DOCK9: variants seen among roughly 807,000 people sequenced by gnomAD.
The protein encoded by DOCK9 is dedicator of cytokinesis 9, also known as dedicator of cytokinesis protein 9.
In DOCK9, 89 loss-of-function variants were observed where a neutral mutation model predicts 263.3. That is an observed-to-expected ratio of 0.34 (90% CI 0.28 to 0.40). DOCK9 has a LOEUF of 0.40. Ranked by LOEUF, DOCK9 falls within the 10% of genes least tolerant of loss-of-function variation. The probability of loss-of-function intolerance (pLI) is 1.00; values close to 1 mark genes in which losing one functional copy is unlikely to be tolerated. For synonymous variants in DOCK9, 976 were observed against 973.1 expected, an observed-to-expected ratio of 1.00 and a Z score of -0.06; for missense variants, 2,140 against 2,603.4, an observed-to-expected ratio of 0.82 and a Z score of 3.87.
At chr13:99,044,215 A>G (rs1888743870) in intron 1 of DOCK9, among the ~76,000 whole-genome samples, 1 of 152,188 alleles carries the variant, frequency 6.6e-6, no homozygotes, top group Non-Finnish European at 1.5e-5. Context: ...AGTTTTATTA[A>G]GCAAATTAAT....
In DOCK9 at chr13:98,814,487, C is replaced by A. The variant is rs1469434034; in HGVS notation, c.5131-4196G>T. On this transcript the variant is annotated intron_variant, in intron 45 of 52. Coordinates refer to ENST00000682017, the MANE Select transcript of DOCK9 (RefSeq NM_001366683.2). ...GTGGCACAATCTTGGCTTACTGCAA[C>A]CTCCACCTCCCGGATTCAAGTGATT... is the stretch of plus-strand genomic sequence containing the variant. Among the ~76,000 whole-genome samples, 8 of 149,862 alleles carry A rather than the reference C, an allele frequency of 5.3e-5. 1 individual carries two copies.
chr13:98,823,330 G>C (rs1271556536), intron 45 of DOCK9, among the ~76,000 whole-genome samples: 1 of 152,152 alleles, frequency 6.6e-6, no homozygotes, highest in Non-Finnish European at 1.5e-5. Flanking sequence ...TCACTGAAAG[G>C]TTCCAGGACC....
At chr13:98,882,230 G>A (rs908311473) in intron 23 of DOCK9, among the ~76,000 whole-genome samples, 2 of 152,006 alleles carry the variant, frequency 1.3e-5, no homozygotes, top group Non-Finnish European at 2.9e-5. Context: ...CCTTATGATA[G>A]GGATTATCCA....
At chr13:98,823,012 C>T (rs1236109144) in intron 45 of DOCK9, among the ~76,000 whole-genome samples, 1 of 150,904 alleles carries the variant, frequency 6.6e-6, no homozygotes, top group Admixed American at 6.6e-5. Context: ...TCAATATTTA[C>T]AATACTAGAT....
At chr13:99,011,020 C>A (rs1348497293) in intron 1 of DOCK9, among the ~76,000 whole-genome samples, 1 of 152,184 alleles carries the variant, frequency 6.6e-6, no homozygotes, top group African/African-American at 2.4e-5. Flanking sequence ...GCCTCAGCCT[C>A]CTGAGTAGCT....
intron 6 of DOCK9, among the ~76,000 whole-genome samples, chr13:98,921,448 T>A (rs2051969466): frequency 6.6e-6 from 1 of 152,198 alleles, no homozygotes; most frequent in African/African-American, 2.4e-5. Context: ...GGAACTATTT[T>A]TTGCCTCATG....
At chr13:99,031,922 C>T (rs1323033864) in intron 1 of DOCK9, among the ~76,000 whole-genome samples, 1 of 152,172 alleles carries the variant, frequency 6.6e-6, no homozygotes, top group Non-Finnish European at 1.5e-5. Context: ...TTTGATTCCT[C>T]CAACTTCCAC....
chr13:98,928,261 G>A (rs1242532335), intron 3 of DOCK9, among the ~76,000 whole-genome samples: 3 of 152,146 alleles, frequency 2.0e-5, no homozygotes, highest in South Asian at 2.1e-4. Context: ...CTGATTATAC[G>A]ATTAACATTT....
intron 6 of DOCK9, among the ~76,000 whole-genome samples, chr13:98,921,794 A>G (rs2052038050): frequency 6.6e-6 from 1 of 152,210 alleles, no homozygotes; most frequent in African/African-American, 2.4e-5. Flanking sequence ...ACAGAGAAGA[A>G]AGCCTATGTC....
chr13:98,921,816 C>G (rs147663748), intron 6 of DOCK9, among the ~76,000 whole-genome samples: 131 of 152,280 alleles, frequency 8.6e-4, no homozygotes, highest in Admixed American at 1.8e-3. Flanking sequence ...GTGTCTGCAC[C>G]TTCACACCAG....
chr13:98,893,195 G>A (rs969890213), intron 15 of DOCK9, among the ~76,000 whole-genome samples: 5 of 152,136 alleles, frequency 3.3e-5, no homozygotes, highest in Non-Finnish European at 7.3e-5. Flanking sequence ...GAGCGAAATC[G>A]GGGTAAGACT....
rs1412789503 is a variant in DOCK9 at position 98,999,288 on chromosome 13, G to GCA, written c.130-43738_130-43737insTG. Among the ~76,000 whole-genome samples, 83 of 137,680 alleles carry GCA rather than the reference G, an allele frequency of 6.0e-4. 2 individuals are homozygous for GCA. The highest frequency in any genetic ancestry group is 1.4e-3 in the African/African-American group (50 of 35,168). The allele number at this position is 137,680 out of a possible 152,430, so 90.3% of individuals were successfully genotyped here. On this transcript the variant is annotated intron_variant, in intron 1 of 32. Transcript: ENST00000427887. The stretch of plus-strand genomic sequence containing the variant: ...TGAACAGATGTGTGCACGCATGCAC[G>GCA]CGCACACACACACACACACACACAC...
chr13:98,920,821 C>T (rs2051846606), intron 7 of DOCK9, 133 bp downstream of exon 7: 4 of 873,162 alleles, frequency 4.6e-6, no homozygotes, highest in Non-Finnish European at 5.0e-6. Flanking sequence ...AGGCTTGCCT[C>T]ATTTAAAGTT....
intron 1 of DOCK9, among the ~76,000 whole-genome samples, chr13:99,045,706 C>T (rs1888916499): frequency 6.6e-6 from 1 of 151,904 alleles, no homozygotes; most frequent in Admixed American, 6.6e-5. Context: ...GTTGTATACC[C>T]TAAATATACG....
intron 1 of DOCK9, among the ~76,000 whole-genome samples, chr13:98,998,835 C>A (rs1881640340): frequency 6.6e-6 from 1 of 152,180 alleles, no homozygotes; most frequent in Non-Finnish European, 1.5e-5. Flanking sequence ...CCCTGTGGGT[C>A]TGAGCAACCA....
chr13:98,903,099 G>A lies in DOCK9; in HGVS notation c.1049C>T (p.Ser350Leu). The A allele has an allele frequency of 1.2e-5, 18 of 1,508,472 alleles. No individual in the cohort carries two copies. Among genetic ancestry groups the A allele is most frequent in the Non-Finnish European group, 1.5e-5 (17 of 1,133,850 alleles). 93.4% of individuals were successfully genotyped at this position (1,508,472 alleles called of 1,614,324 possible). A position where few individuals can be genotyped will look rare whatever the true frequency, so the allele number is the denominator to read the frequency against. ...LDPDAQKLDF[S>L]SAEPEVKSFE... ...TGACTTCACTTCTGGCTCAGCTGAT[G>A]AGAAGTCAAGCTTCTTTAAAAGAAA... Residue 350 changes from serine to leucine, a missense_variant, in exon 11 of 53, where the codon TCA (serine) becomes TTA (leucine). By Grantham distance (145) the Ser-to-Leu change is moderately radical. This residue lies in a region of DOCK9 where 1,521 missense variants were observed against 1,741.7 expected (regional missense o/e 0.87). Coordinates refer to ENST00000682017, the MANE Select transcript of DOCK9 (RefSeq NM_001366683.2).
intron 13 of DOCK9, among the ~76,000 whole-genome samples, chr13:98,900,555 T>C (rs1169988805): frequency 6.6e-6 from 1 of 152,202 alleles, no homozygotes; most frequent in Non-Finnish European, 1.5e-5. Flanking sequence ...GTAAATGGGC[T>C]TTTACTTGAC....
chr13:98,915,304 C>A (rs754498997), intron 8 of DOCK9, 25 bp downstream of exon 8: 36 of 1,607,668 alleles, frequency 2.2e-5, no homozygotes, highest in Non-Finnish European at 2.6e-5. Context: ...TGTGTATGTG[C>A]CTGGGGGAAG....
At chr13:98,806,977 C>G (rs1035616222) in intron 48 of DOCK9, among the ~76,000 whole-genome samples, 2 of 151,942 alleles carry the variant, frequency 1.3e-5, no homozygotes, top group African/African-American at 4.8e-5. Context: ...TAATTGTATC[C>G]AAACCTATTA....
Sources: allele counts gnomAD v4.1 joint callset (sites outside exome capture counted in the v4.1 genomes callset), GRCh38; gene constraint gnomAD v4.1.1; regional missense constraint gnomAD v4.1.1; transcripts MANE v1.5; gene names NCBI Gene and HGNC (gene_info 2026-07-23, HGNC 2026-07-21).